MAP3K15: variants seen among roughly 807,000 people sequenced by gnomAD.
MAP3K15 encodes MAPK/ERK kinase kinase 15.
A neutral mutation model predicts 99.5 loss-of-function variants in MAP3K15; 124 were observed. The ratio of observed to expected loss-of-function variants is 1.25; its 90% CI spans 1.08 to 1.45. The LOEUF is 1.45. MAP3K15 is among the 40% of genes most tolerant of loss of function. The pLI is 0.00. For synonymous variants in MAP3K15, 494 were observed against 439.6 expected (o/e 1.12, Z -1.55); for missense variants, 1,242 against 1,079.7 (o/e 1.15, Z -2.11).
intron 13 of MAP3K15, among the ~76,000 whole-genome samples, chrX:19,404,782 C>T (rs1169597018): frequency 8.9e-6 from 1 of 111,802 alleles, no homozygotes; most frequent in Non-Finnish European, 1.9e-5. Context: ...ATAGTCTTTT[C>T]AACAAATGGT....
intron 19 of MAP3K15, among the ~76,000 whole-genome samples, chrX:19,376,302 G>A (rs1010921434): frequency 2.7e-5 from 3 of 110,760 alleles, no homozygotes; most frequent in African/African-American, 9.9e-5. Context: ...CCCCGCCTTT[G>A]CCTCTTCTAG....
intron 13 of MAP3K15, 104 bp from the exon 14 acceptor site, chrX:19,400,767 T>C: frequency 1.9e-6 from 1 of 522,024 alleles, no homozygotes; most frequent in Non-Finnish European, 3.2e-6. Context: ...AACCAAACTT[T>C]TACAAGTCAT....
chrX:19,362,662 A>G, intron 26 of MAP3K15, 76 bp downstream of exon 26: 1 of 617,830 alleles, frequency 1.6e-6, no homozygotes. Context: ...AACAGAAGAT[A>G]ACCTCAAATG....
At chrX:19,426,442 A>C in intron 7 of MAP3K15, 99 bp from the exon 8 acceptor site, 1 of 486,206 alleles carries the variant, frequency 2.1e-6, no homozygotes, top group South Asian at 4.9e-5. Context: ...TCTTTCTCTA[A>C]ATTTGTTGTT....
At chrX:19,451,004 G>A (rs959835596) in intron 6 of MAP3K15, among the ~76,000 whole-genome samples, 7 of 109,180 alleles carry the variant, frequency 6.4e-5, no homozygotes, top group African/African-American at 2.0e-4. Flanking sequence ...TGAGACATCC[G>A]GCCGGGTGCA....
chrX:19,413,173 C>T (rs181581892), intron 11 of MAP3K15, among the ~76,000 whole-genome samples, 184 bp downstream of exon 11: 4,045 of 108,271 alleles, frequency 0.037, 191 homozygotes, highest in African/African-American at 0.13. Context: ...ACCACATGCC[C>T]ACACACACAC....
intron 6 of MAP3K15, among the ~76,000 whole-genome samples, chrX:19,436,579 C>G (rs1406654683): frequency 1.8e-5 from 2 of 111,465 alleles, no homozygotes; most frequent in African/African-American, 6.5e-5. Context: ...TATCTCCAGC[C>G]TAGGCCTCTC....
chrX:19,370,169 A>C (rs7051687), intron 24 of MAP3K15, among the ~76,000 whole-genome samples: 7,295 of 111,591 alleles, frequency 0.065, 466 homozygotes, highest in African/African-American at 0.2. Context: ...AGCAGGAAGA[A>C]GTCACCAGAG....
At chrX:19,479,023 G>GA (rs769958066) in intron 3 of MAP3K15, among the ~76,000 whole-genome samples, 163 of 111,294 alleles carry the variant, frequency 1.5e-3, no homozygotes, top group Non-Finnish European at 2.4e-3. Context: ...CAATTCAGTG[G>GA]AAAAAAATTA....
chrX:19,441,754 A>T (rs1295484042), intron 6 of MAP3K15, among the ~76,000 whole-genome samples: 2 of 112,067 alleles, frequency 1.8e-5, no homozygotes, highest in African/African-American at 6.5e-5. Context: ...CAATGCATCC[A>T]GCCAAAATGG....
chrX:19,460,217 C>CT, intron 4 of MAP3K15, 64 bp from the exon 5 acceptor site: 1 of 835,930 alleles, frequency 1.2e-6, no homozygotes, highest in Non-Finnish European at 1.6e-6. Flanking sequence ...TGTCTTGCGC[C>CT]CAAAATGGTT....
intron 9 of MAP3K15, among the ~76,000 whole-genome samples, chrX:19,425,146 C>CTAT (rs1345311553): frequency 8.9e-6 from 1 of 111,754 alleles, no homozygotes; most frequent in African/African-American, 3.3e-5. Context: ...TTACCATACC[C>CTAT]TATTATTGTT....
chrX:19,361,103 C>T lies in MAP3K15; in HGVS notation c.3857+236G>A, dbSNP rs747229060. 26 of 418,787 alleles carry T rather than the reference C, an allele frequency of 6.2e-5. No individual in the cohort carries two copies. The highest frequency in any genetic ancestry group is 6.0e-4 in the Admixed American group (13 of 21,729). 34.5% of individuals were successfully genotyped at this position (418,787 alleles called of 1,213,427 possible). A position where few individuals can be genotyped will look rare whatever the true frequency, so the allele number is the denominator to read the frequency against. On this transcript the variant is annotated intron_variant, in intron 28 of 28. Coordinates refer to ENST00000338883, the MANE Select transcript of MAP3K15 (RefSeq NM_001001671.4). Reference sequence around the variant, plus strand: ...TGCAGGCACGCTTGCCATGTGCCTCCACCCACTCCCAGCCAGGCATTAATG... The same window carrying T: ...TGCAGGCACGCTTGCCATGTGCCTCTACCCACTCCCAGCCAGGCATTAATG...
At chrX:19,463,332 C>G (rs1338193370) in intron 4 of MAP3K15, among the ~76,000 whole-genome samples, 1 of 111,719 alleles carries the variant, frequency 9.0e-6, no homozygotes, top group East Asian at 2.8e-4. Context: ...TACAATAGAA[C>G]ACTCCGCAGT....
intron 10 of MAP3K15, among the ~76,000 whole-genome samples, chrX:19,414,727 G>T (rs926801183): frequency 1.8e-5 from 2 of 111,914 alleles, no homozygotes; most frequent in African/African-American, 6.5e-5. Context: ...TGACATTTTG[G>T]GCTGGATAAT....
intron 1 of MAP3K15, among the ~76,000 whole-genome samples, chrX:19,489,425 T>C (rs188026030): frequency 3.6e-5 from 4 of 111,202 alleles, no homozygotes; most frequent in East Asian, 5.7e-4. Flanking sequence ...TCTATGTATT[T>C]GTCAGTTCCA....
At chrX:19,483,568 G>GTA (rs926996246) in intron 3 of MAP3K15, among the ~76,000 whole-genome samples, 6 of 108,135 alleles carry the variant, frequency 5.5e-5, no homozygotes, top group African/African-American at 2.0e-4. Flanking sequence ...AACTATGAGT[G>GTA]TGTGTGTGTG....
intron 6 of MAP3K15, among the ~76,000 whole-genome samples, chrX:19,445,248 G>C (rs768026059): frequency 3.5e-4 from 39 of 109,987 alleles, no homozygotes; most frequent in Middle Eastern, 9.2e-3. Flanking sequence ...TTTTGGGGTG[G>C]GGGGAGACCT....
chrX:19,494,484 G>A (rs1385978781), intron 1 of MAP3K15, among the ~76,000 whole-genome samples: 7 of 111,886 alleles, frequency 6.3e-5, no homozygotes, highest in Non-Finnish European at 9.4e-5. Flanking sequence ...ATGATGCATA[G>A]GACTTTAGTT....
Sources: gnomAD v4.1 joint callset for allele counts (sites outside exome capture counted in the v4.1 genomes callset) on GRCh38, gnomAD v4.1.1 for gene constraint, MANE v1.5 for transcripts, NCBI Gene and HGNC (gene_info 2026-07-23, HGNC 2026-07-21) for gene names.